Variants in TMEM132B observed in about 807,000 individuals in gnomAD.
TMEM132B encodes the protein transmembrane protein 132B.
TMEM132B carries 18 observed loss-of-function variants against 90.8 expected under a neutral mutation model. The ratio of observed to expected loss-of-function variants is 0.20; its 90% CI spans 0.14 to 0.29. The LOEUF (loss-of-function observed/expected upper bound fraction) is 0.29. TMEM132B is among the 10% of genes least tolerant of loss of function. The pLI, the probability that TMEM132B is intolerant of heterozygous loss-of-function variation, is 1.00. For synonymous variants in TMEM132B, 504 were observed against 523.3 expected (o/e 0.96, Z 0.50); for missense variants, 1,096 against 1,326.8 (o/e 0.83, Z 2.70).
At chr12:125,366,493 A>C (rs941769084) in intron 2 of TMEM132B, among the ~76,000 whole-genome samples, 2 of 152,022 alleles carry the variant, frequency 1.3e-5, no homozygotes, top group African/African-American at 4.8e-5. Flanking sequence ...GTTTTGATTC[A>C]CTTGCTTTTG....
chr12:125,468,575 G>A (rs1042301067), intron 3 of TMEM132B, among the ~76,000 whole-genome samples: 11 of 152,132 alleles, frequency 7.2e-5, no homozygotes, highest in Non-Finnish European at 1.3e-4. Context: ...TGACCAATAC[G>A]TGAGGGCTTA....
intron 5 of TMEM132B, among the ~76,000 whole-genome samples, chr12:125,622,826 T>C (rs1886143914): frequency 6.6e-6 from 1 of 152,200 alleles, no homozygotes; most frequent in Non-Finnish European, 1.5e-5. Context: ...ACAATTTTTA[T>C]ACCTTGAGTT....
intron 5 of TMEM132B, chr12:125,586,818 T>G (rs560410667): frequency 2.0e-5 from 3 of 152,306 alleles, no homozygotes; most frequent in Admixed American, 2.0e-4. Context: ...CATAAAGTGC[T>G]TCTTTTAAGT....
chr12:125,279,637 A>C (rs947472418), intron 1 of TMEM132B, among the ~76,000 whole-genome samples: 9 of 152,214 alleles, frequency 5.9e-5, no homozygotes, highest in African/African-American at 2.2e-4. Flanking sequence ...AAGCTGGTGC[A>C]TGGATTTCTA....
chr12:125,361,676 A>G (rs1177641857), intron 2 of TMEM132B, among the ~76,000 whole-genome samples: 1 of 152,238 alleles, frequency 6.6e-6, no homozygotes, highest in Non-Finnish European at 1.5e-5. Flanking sequence ...TGTCACCTGC[A>G]CATTGTGCTT....
At chr12:125,276,321 C>T (rs764470797) in intron 1 of TMEM132B, among the ~76,000 whole-genome samples, 3 of 152,328 alleles carry the variant, frequency 2.0e-5, no homozygotes, top group Non-Finnish European at 4.4e-5. Flanking sequence ...GACAGAGGTG[C>T]GTCTCTGAGC....
intron 3 of TMEM132B, among the ~76,000 whole-genome samples, chr12:125,437,789 A>G (rs1880748103): frequency 6.6e-6 from 1 of 152,206 alleles, no homozygotes; most frequent in African/African-American, 2.4e-5. Context: ...AGAGACGGAC[A>G]GCAGAGTGCC....
chr12:125,566,400 C>T (rs141961192), intron 4 of TMEM132B, among the ~76,000 whole-genome samples: 88 of 152,254 alleles, frequency 5.8e-4, no homozygotes, highest in Middle Eastern at 3.4e-3. Context: ...AATAAAAATA[C>T]GTAAGACATA....
intron 3 of TMEM132B, among the ~76,000 whole-genome samples, chr12:125,440,777 TA>T (rs1312729564): frequency 6.6e-6 from 1 of 152,208 alleles, no homozygotes; most frequent in Non-Finnish European, 1.5e-5. Context: ...TTATTTTTAT[TA>T]AAAATATCAG....
At chr12:125,652,697 C>G in intron 8 of TMEM132B, 65 bp downstream of exon 8, 1 of 1,526,750 alleles carries the variant, frequency 6.5e-7, no homozygotes, top group Non-Finnish European at 8.8e-7. Context: ...GTTAGCACAT[C>G]CTGCGAAGGA....
intron 1 of TMEM132B, among the ~76,000 whole-genome samples, chr12:125,196,630 G>A (rs1334552998): frequency 6.6e-6 from 1 of 152,152 alleles, no homozygotes; most frequent in Non-Finnish European, 1.5e-5. Context: ...AATTGCTTGA[G>A]CCTGGGAGGC....
intron 3 of TMEM132B, among the ~76,000 whole-genome samples, chr12:125,474,553 T>C (rs1020716542): frequency 2.0e-5 from 3 of 152,182 alleles, no homozygotes; most frequent in Non-Finnish European, 1.5e-5. Flanking sequence ...TCTCCCAAAG[T>C]GCTGGGATTG....
intron 3 of TMEM132B, among the ~76,000 whole-genome samples, chr12:125,475,509 C>G (rs1428789937): frequency 6.6e-6 from 1 of 152,108 alleles, no homozygotes; most frequent in Non-Finnish European, 1.5e-5. Context: ...TGGATGGGCA[C>G]CATCTAATCA....
At chr12:125,375,938 G>C (rs776853129) in intron 2 of TMEM132B, among the ~76,000 whole-genome samples, 6 of 152,226 alleles carry the variant, frequency 3.9e-5, no homozygotes, top group Non-Finnish European at 8.8e-5. Flanking sequence ...GGGAAAAATG[G>C]TTTCAGGTGA....
At chr12:125,426,351 C>A (rs1045572329) in intron 3 of TMEM132B, among the ~76,000 whole-genome samples, 2 of 151,506 alleles carry the variant, frequency 1.3e-5, no homozygotes, top group African/African-American at 2.4e-5. Context: ...CTTGTCTTTT[C>A]ATTCTCATGA....
At chr12:125,592,170 T>C (rs1249952302) in intron 5 of TMEM132B, among the ~76,000 whole-genome samples, 1 of 152,226 alleles carries the variant, frequency 6.6e-6, no homozygotes, top group Non-Finnish European at 1.5e-5. Context: ...TATGATTTAA[T>C]CTTTATGTGT....
chr12:125,480,292 A>G (rs1357788501), intron 3 of TMEM132B, among the ~76,000 whole-genome samples: 1 of 152,146 alleles, frequency 6.6e-6, no homozygotes, highest in Non-Finnish European at 1.5e-5. Flanking sequence ...GACACAAAAA[A>G]CCCTTCAAAA....
At chr12:125,596,003 T>C (rs1885430589) in intron 5 of TMEM132B, among the ~76,000 whole-genome samples, 2 of 151,794 alleles carry the variant, frequency 1.3e-5, no homozygotes. Flanking sequence ...ACAGAGAAAC[T>C]CACTCATGTC....
At chr12:125,478,646 G>A (rs1337927894) in intron 3 of TMEM132B, among the ~76,000 whole-genome samples, 1 of 152,226 alleles carries the variant, frequency 6.6e-6, no homozygotes, top group Non-Finnish European at 1.5e-5. Context: ...TCGTGTATCT[G>A]AAAGTGACAG....
Sources: allele counts gnomAD v4.1 joint callset (sites outside exome capture counted in the v4.1 genomes callset), GRCh38; gene constraint gnomAD v4.1.1; transcripts MANE v1.5; gene names NCBI Gene and HGNC (gene_info 2026-07-23, HGNC 2026-07-21).